Variants in NTRK3 observed in about 807,000 individuals in gnomAD.
NTRK3 encodes the protein neurotrophic receptor tyrosine kinase 3, also known as NT-3 growth factor receptor.
In NTRK3, 24 loss-of-function variants were observed where a neutral mutation model predicts 91.7. That is an observed-to-expected ratio of 0.26 (90% CI 0.19 to 0.37). NTRK3 has a LOEUF of 0.37. Ranked by LOEUF, NTRK3 falls within the 10% of genes least tolerant of loss-of-function variation. The pLI is 1.00. For synonymous variants in NTRK3, 483 were observed against 404.0 expected (o/e 1.20, Z -2.34); for missense variants, 880 against 1,068.9 (o/e 0.82, Z 2.46).
At chr15:88,216,332 C>T (rs1567663796) in intron 3 of NTRK3, among the ~76,000 whole-genome samples, 1 of 152,188 alleles carries the variant, frequency 6.6e-6, no homozygotes, top group Non-Finnish European at 1.5e-5. Context: ...GCATCCTGGC[C>T]ATCCTGGGTA....
intron 14 of NTRK3, among the ~76,000 whole-genome samples, chr15:87,980,489 ATG>A (rs1030363414): frequency 7.9e-5 from 12 of 152,132 alleles, no homozygotes; most frequent in East Asian, 3.9e-4. Flanking sequence ...ATGTGTTTCC[ATG>A]TGTGTTTGCA....
chr15:87,935,008 C>T (rs1299466772), intron 15 of NTRK3, among the ~76,000 whole-genome samples: 1 of 152,074 alleles, frequency 6.6e-6, no homozygotes, highest in Non-Finnish European at 1.5e-5. Context: ...GTAACTTTCC[C>T]ATTTTACAGA....
intron 14 of NTRK3, among the ~76,000 whole-genome samples, chr15:87,945,384 C>A (rs1173430579): frequency 4.6e-5 from 7 of 152,226 alleles, no homozygotes; most frequent in Non-Finnish European, 8.8e-5. Context: ...TCCAAGAATT[C>A]TTTCTCTGTA....
At chr15:88,061,675 G>T (rs1478838168) in intron 13 of NTRK3, among the ~76,000 whole-genome samples, 1 of 152,220 alleles carries the variant, frequency 6.6e-6, no homozygotes, top group Non-Finnish European at 1.5e-5. Context: ...TGCCTGGCAG[G>T]GTGGCGAACT....
chr15:88,134,555 G>A (rs540669007), intron 10 of NTRK3, among the ~76,000 whole-genome samples: 1 of 152,320 alleles, frequency 6.6e-6, no homozygotes, highest in African/African-American at 2.4e-5. Flanking sequence ...TCACAGATCA[G>A]CAAGTAGAAT....
chr15:87,911,238 C>T (rs1214599602), intron 17 of NTRK3, among the ~76,000 whole-genome samples: 1 of 151,936 alleles, frequency 6.6e-6, no homozygotes, highest in Non-Finnish European at 1.5e-5. Context: ...GTGAATTTGG[C>T]TTAATATTTG....
intron 14 of NTRK3, among the ~76,000 whole-genome samples, chr15:87,997,201 A>G (rs1596591784): frequency 6.6e-6 from 1 of 152,208 alleles, no homozygotes; most frequent in African/African-American, 2.4e-5. Flanking sequence ...GGGATTATAG[A>G]TATTTGGGTG....
At chr15:88,089,228 T>A (rs2048786914) in intron 13 of NTRK3, among the ~76,000 whole-genome samples, 1 of 152,176 alleles carries the variant, frequency 6.6e-6, no homozygotes, top group African/African-American at 2.4e-5. Flanking sequence ...CCTGGCTTTG[T>A]GCCTGGAGGC....
chr15:87,922,319 GT>G (rs1216697018), intron 17 of NTRK3, among the ~76,000 whole-genome samples: 1 of 152,136 alleles, frequency 6.6e-6, no homozygotes, highest in Non-Finnish European at 1.5e-5. Context: ...ATCAGTCAAT[GT>G]TCTTGTTGAT....
chr15:87,939,852 G>T (rs979722796), intron 15 of NTRK3, among the ~76,000 whole-genome samples: 6 of 152,114 alleles, frequency 3.9e-5, no homozygotes, highest in Admixed American at 2.0e-4. Flanking sequence ...GTCCAATATT[G>T]GTTTACAAAG....
At chr15:87,913,285 T>G (rs981605546) in intron 17 of NTRK3, among the ~76,000 whole-genome samples, 1 of 152,076 alleles carries the variant, frequency 6.6e-6, no homozygotes. Context: ...TTTCTCTGAA[T>G]ATGATCCTTC....
intron 14 of NTRK3, among the ~76,000 whole-genome samples, chr15:88,018,849 C>T (rs2077417248): frequency 6.6e-6 from 1 of 152,098 alleles, no homozygotes; most frequent in Non-Finnish European, 1.5e-5. Context: ...GAATGTACTT[C>T]AAGTTCAGAG....
At position 87,940,772 on chromosome 15, in the gene NTRK3, G is replaced by A. The variant is rs1259015477; in HGVS notation, c.1586-19C>T. 2 of 1,613,988 alleles carry A rather than the reference G, an allele frequency of 1.2e-6. No homozygotes were observed. The highest frequency in any genetic ancestry group is 2.7e-5 in the African/African-American group (2 of 74,940). ...TGCACATCTGTAGGATGGGGACAAA[G>A]AGGAGGGCAGCAAATCAGTCCTCGT... On this transcript the variant is annotated intron_variant, in intron 14 of 18. Coordinates refer to ENST00000394480, the Ensembl canonical transcript of NTRK3.
At position 88,253,255 on chromosome 15, in the gene NTRK3, G is replaced by A. The variant is rs370226042; in HGVS notation, c.248+2651C>T. On this transcript the variant is annotated intron_variant, in intron 3 of 18. Coordinates refer to ENST00000394480, the Ensembl canonical transcript of NTRK3. ...GAAGAACAACTCTCCAGCAAGGCAC[G>A]GGCTTCAACTGAAGCCCTCTTCCCA... is the stretch of plus-strand genomic sequence containing the variant. 1.1e-4 allele frequency: 17 copies of A among 152,270 alleles called. No individual in the cohort carries two copies. In the East Asian group the frequency reaches 2.9e-3, roughly 26 times the overall value. 9.4% of individuals were successfully genotyped at this position (152,270 alleles called of 1,614,324 possible).
intron 13 of NTRK3, among the ~76,000 whole-genome samples, chr15:88,054,460 C>T (rs1034386640): frequency 3.3e-5 from 5 of 152,150 alleles, no homozygotes; most frequent in Non-Finnish European, 7.4e-5. Context: ...GGGTGCCCTA[C>T]CAGATGAGAT....
intron 14 of NTRK3, among the ~76,000 whole-genome samples, chr15:87,967,178 G>C (rs2072868195): frequency 6.6e-6 from 1 of 152,138 alleles, no homozygotes; most frequent in African/African-American, 2.4e-5. Context: ...GGTATTCCTT[G>C]AAAGACCCTA....
intron 13 of NTRK3, among the ~76,000 whole-genome samples, chr15:88,059,348 T>C (rs955764471): frequency 6.6e-6 from 1 of 152,208 alleles, no homozygotes; most frequent in Non-Finnish European, 1.5e-5. Context: ...ACAATGATTT[T>C]GTACCCCAAG....
chr15:88,154,043 A>G (rs896169791), intron 5 of NTRK3, among the ~76,000 whole-genome samples: 1 of 151,634 alleles, frequency 6.6e-6, no homozygotes, highest in Admixed American at 6.6e-5. Context: ...GTTCTAGACC[A>G]GAACTAATTA....
intron 5 of NTRK3, 39 bp downstream of exon 5, chr15:88,183,379 G>T: frequency 6.2e-7 from 1 of 1,602,328 alleles, no homozygotes; most frequent in Non-Finnish European, 8.6e-7. Context: ...AAGAGTACCT[G>T]CCATGTGCCC....
Sources: allele counts gnomAD v4.1 joint callset (sites outside exome capture counted in the v4.1 genomes callset), GRCh38; gene constraint gnomAD v4.1.1; transcripts MANE v1.5; gene names NCBI Gene and HGNC (gene_info 2026-07-23, HGNC 2026-07-21).